TPPP2: variants seen among roughly 807,000 people sequenced by gnomAD.
The protein encoded by TPPP2 is tubulin polymerization promoting protein family member 2, also known as tubulin polymerization-promoting protein family member 2.
TPPP2 carries 8 observed loss-of-function variants against 13.0 expected under a neutral mutation model. The observed-to-expected ratio is 0.62, with a 90% CI of 0.36 to 1.11. TPPP2 has a LOEUF of 1.11. Ranked by LOEUF, TPPP2 falls within the 50% of genes most tolerant of loss-of-function variation. TPPP2 has a pLI of 0.02. For missense variants in TPPP2, 213 were observed against 216.9 expected, an observed-to-expected ratio of 0.98 and a Z score of 0.11; for synonymous variants, 81 against 81.8, an observed-to-expected ratio of 0.99 and a Z score of 0.05.
At chr14:21,035,534 T>C (rs549187937), downstream of TPPP2, among the ~76,000 whole-genome samples, 1 of 152,192 alleles carries the variant, frequency 6.6e-6, no homozygotes, top group African/African-American at 2.4e-5. Context: ...CTGCAAGGTG[T>C]CTTCCAGATT....
In TPPP2 at chr14:21,025,061, TGCCTTTGACTCGGGCCC is replaced by T. The variant is rs1347695690; in HGVS notation, n.236+721_236+737del. 23 of 985,940 alleles carry T rather than the reference TGCCTTTGACTCGGGCCC, an allele frequency of 2.3e-5. No individual in the cohort carries two copies. In the East Asian group the frequency reaches 1.1e-3, roughly 49 times the overall value. 61.1% of individuals were successfully genotyped at this position (985,940 alleles called of 1,614,324 possible). ...CGCCGCGGCCGCTTCCACCTTCACT[TGCCTTTGACTCGGGCCC>T]GCCCCGGCTCGGGCTTCCCGCAGAC... is the stretch of plus-strand genomic sequence containing the variant. On this transcript the variant is annotated intron_variant and non_coding_transcript_variant, in intron 1 of 1. Coordinates refer to the TPPP2 transcript ENST00000533755. This position sits in a 1 kb window ranked among gnomAD's most constrained non-coding sequence, Gnocchi z 5.1.
At chr14:21,026,627 C>T (rs1883667410), upstream of TPPP2, among the ~76,000 whole-genome samples, 1 of 151,980 alleles carries the variant, frequency 6.6e-6, no homozygotes, top group Non-Finnish European at 1.5e-5. Flanking sequence ...GGAGGTGACC[C>T]ACAGTAGGAA....
chr14:21,034,012 A>G (rs1884438938), downstream of TPPP2: 3 of 1,614,158 alleles, frequency 1.9e-6, no homozygotes, highest in Non-Finnish European at 2.5e-6. Flanking sequence ...TAATTCTCAC[A>G]GAAGCTGTCA....
At chr14:21,024,640 G>A in intron 1 of TPPP2, 4 of 985,418 alleles carry the variant, frequency 4.1e-6, no homozygotes, top group Non-Finnish European at 2.4e-6. Flanking sequence ...GGAGAGGAGA[G>A]CGGTCCCACA....
chr14:21,029,609 C>T (rs139471551), upstream of TPPP2, among the ~76,000 whole-genome samples: 1,624 of 152,126 alleles, frequency 0.011, 16 homozygotes, highest in South Asian at 0.028. Context: ...AAAATAAATA[C>T]GCAAATAAAT....
At chr14:21,035,069 C>T (rs550475124), downstream of TPPP2, among the ~76,000 whole-genome samples, 141 of 152,330 alleles carry the variant, frequency 9.3e-4, no homozygotes, top group Non-Finnish European at 1.5e-3. Flanking sequence ...ACAGAGCATT[C>T]GCCACTTTGT....
intron 1 of TPPP2, chr14:21,024,891 G>T: frequency 1.0e-6 from 1 of 985,580 alleles, no homozygotes; most frequent in Non-Finnish European, 1.2e-6. Flanking sequence ...GCCTTTGTGC[G>T]CAGCAACCGA....
At chr14:21,030,360 G>A (rs1594473093) in intron 1 of TPPP2, 56 bp downstream of exon 1, 2 of 558,656 alleles carry the variant, frequency 3.6e-6, no homozygotes, top group East Asian at 6.0e-5. Context: ...GATCCACACT[G>A]GTATCTCCAA....
upstream of TPPP2, among the ~76,000 whole-genome samples, chr14:21,026,930 G>A (rs1166584222): frequency 6.6e-6 from 1 of 151,756 alleles, no homozygotes; most frequent in East Asian, 1.9e-4. Flanking sequence ...AGGAACCTGG[G>A]GAGAGGGAGA....
At chr14:21,028,799 T>C (rs929625394), upstream of TPPP2, 2 of 151,924 alleles carry the variant, frequency 1.3e-5, no homozygotes, top group East Asian at 1.9e-4. Flanking sequence ...AACTATGAGA[T>C]GATAAGAACT....
chr14:21,029,841 T>G (rs1235743729), upstream of TPPP2, among the ~76,000 whole-genome samples: 1 of 152,186 alleles, frequency 6.6e-6, no homozygotes, highest in Non-Finnish European at 1.5e-5. Flanking sequence ...TGCCAGCACC[T>G]TGATCTTAGA....
Position 21,030,576 on chromosome 14 carries a change from C to T in TPPP2, c.-6C>T, listed in dbSNP as rs1190971580. The T allele has an allele frequency of 2.5e-6, 4 of 1,613,140 alleles. No homozygotes were observed. The highest frequency in any genetic ancestry group is 3.4e-6 in the Non-Finnish European group (4 of 1,179,622). On this transcript the variant is annotated 5_prime_UTR_variant, in exon 2 of 4. Transcript: ENST00000321760. The stretch of plus-strand genomic sequence containing the variant: ...CACGACTGCCCTCCCCGACCTCTAG[C>T]TGACCATGGCATCAGAGGCAGAAAA...
chr14:21,032,119 T>C lies in TPPP2; in HGVS notation c.*42T>C. 1 of 1,582,938 alleles carries C rather than the reference T, an allele frequency of 6.3e-7. No individual in the cohort carries two copies. Among genetic ancestry groups the C allele is most frequent in the Non-Finnish European group, 8.7e-7 (1 of 1,153,964 alleles). On this transcript the variant is annotated 3_prime_UTR_variant, in exon 4 of 4. Transcript: ENST00000321760. The stretch of plus-strand genomic sequence containing the variant: ...AGCCTGCTAGCCCCCTGACCCTGCA[T>C]GTTTAACACCAGGGAGCTTGGAAAA...
At chr14:21,031,652 A>G (rs1029735010) in intron 3 of TPPP2, among the ~76,000 whole-genome samples, 1 of 150,932 alleles carries the variant, frequency 6.6e-6, no homozygotes, top group East Asian at 2.0e-4. Flanking sequence ...CAAAAAACCT[A>G]CCCTCCCTCT....
chr14:21,036,178 A>T, downstream of TPPP2: 1 of 456,152 alleles, frequency 2.2e-6, no homozygotes, highest in Non-Finnish European at 4.4e-6. Context: ...TTCCATTCTT[A>T]TTTCTTCCTC....
intron 3 of TPPP2, chr14:21,031,371 AT>A (rs1333760123): frequency 1.8e-6 from 1 of 567,480 alleles, no homozygotes; most frequent in Non-Finnish European, 2.9e-6. Context: ...TTAATAGTAG[AT>A]TTAGACTAAT....
At chr14:21,035,960 T>C (rs539247930), downstream of TPPP2, 630 of 403,978 alleles carry the variant, frequency 1.6e-3, no homozygotes, top group Admixed American at 2.5e-3. Context: ...CTGCACACCA[T>C]CTATCTGTTT....
rs977752865 is a variant in TPPP2, at chr14:21,025,089, G to T, written n.236+745G>T. The T allele has an allele frequency of 3.0e-6, 3 of 985,748 alleles. No individual in the cohort carries two copies. Among genetic ancestry groups the T allele is most frequent in the Non-Finnish European group, 3.6e-6 (3 of 830,402 alleles). 61.1% of individuals were successfully genotyped at this position (985,748 alleles called of 1,614,324 possible). On this transcript the variant is annotated intron_variant and non_coding_transcript_variant, in intron 1 of 1. Coordinates refer to the TPPP2 transcript ENST00000533755. This position sits in a 1 kb window ranked among gnomAD's most constrained non-coding sequence, Gnocchi z 5.1. The stretch of plus-strand genomic sequence containing the variant: ...CTTTGACTCGGGCCCGCCCCGGCTC[G>T]GGCTTCCCGCAGACCCGCCCCCGGC...
rs906711075 is a variant in TPPP2 at position 21,030,264 on chromosome 14, A to G, written c.-110A>G. On this transcript the variant is annotated 5_prime_UTR_variant, in exon 1 of 4. Transcript: ENST00000321760. ...CACATATCTGCACACACTTAAATAC[A>G]AAGGCCGGGAAGGGTCAGACCACCA... The G allele has an allele frequency of 3.4e-6, 1 of 289,922 alleles. No individual in the cohort carries two copies. The highest frequency in any genetic ancestry group is 7.2e-5 in the East Asian group (1 of 13,908). The allele number at this position is 289,922 out of a possible 1,614,324, so 18.0% of individuals were successfully genotyped here. A position where few individuals can be genotyped will look rare whatever the true frequency, so the allele number is the denominator to read the frequency against.
Sources: gnomAD v4.1 joint callset for allele counts (sites outside exome capture counted in the v4.1 genomes callset) on GRCh38, gnomAD v4.1.1 for gene constraint, Gnocchi (gnomAD v3.1) non-coding constraint, MANE v1.5 for transcripts, NCBI Gene and HGNC (gene_info 2026-07-23, HGNC 2026-07-21) for gene names.